MYBPC1: variants seen among roughly 807,000 people sequenced by gnomAD.
The protein encoded by MYBPC1 is myosin-binding protein C, slow-type.
A neutral mutation model predicts 147.1 loss-of-function variants in MYBPC1; 52 were observed. The observed-to-expected ratio is 0.35, with a 90% CI of 0.28 to 0.45. The LOEUF (loss-of-function observed/expected upper bound fraction) is 0.45, where lower values mean the gene tolerates loss of function less well. Among genes scored for constraint, MYBPC1 ranks in the 20% least tolerant of loss-of-function variants. The pLI, the probability that MYBPC1 is intolerant of heterozygous loss-of-function variation, is 1.00. For synonymous variants in MYBPC1, 477 were observed against 475.9 expected, an observed-to-expected ratio of 1.00 and a Z score of -0.03; for missense variants, 1,228 against 1,440.3, an observed-to-expected ratio of 0.85 and a Z score of 2.39.
chr12:101,615,551 C>T (rs1183436775), intron 2 of MYBPC1, among the ~76,000 whole-genome samples: 2 of 152,064 alleles, frequency 1.3e-5, no homozygotes, highest in African/African-American at 4.8e-5. Context: ...AAACATCTCC[C>T]TGTATTCAGT....
At chr12:101,602,362 G>A (rs1291376648) in intron 1 of MYBPC1, among the ~76,000 whole-genome samples, 2 of 152,098 alleles carry the variant, frequency 1.3e-5, no homozygotes, top group African/African-American at 2.4e-5. Context: ...TTACAGGCAT[G>A]CGCCACCACG....
intron 29 of MYBPC1, among the ~76,000 whole-genome samples, chr12:101,681,094 T>G (rs920872035): frequency 6.6e-6 from 1 of 152,232 alleles, no homozygotes; most frequent in African/African-American, 2.4e-5. Flanking sequence ...CTTCCATTTA[T>G]AGGTATACAT....
chr12:101,608,342 C>G (rs1281378665), intron 1 of MYBPC1, among the ~76,000 whole-genome samples: 3 of 151,994 alleles, frequency 2.0e-5, no homozygotes, highest in Admixed American at 2.0e-4. Context: ...CTTGTTTTTC[C>G]TTTTTATTCA....
At position 101,649,386 on chromosome 12, in the gene MYBPC1, GACA is replaced by G; in HGVS notation, c.1327_1329del (p.Thr443del). ...CTGATGCTGCAGAATATTCAGTAAT[GACA>G]ACAGGAGGACAATCATCTGCTAAAC... On this transcript the variant is annotated inframe_deletion, in exon 15 of 32. Coordinates refer to ENST00000361466, the MANE Select transcript of MYBPC1 (RefSeq NM_002465.4). The G allele has an allele frequency of 3.7e-6, 6 of 1,613,940 alleles. No homozygotes were observed. Among genetic ancestry groups the G allele is most frequent in the Non-Finnish European group, 5.1e-6 (6 of 1,179,870 alleles).
chr12:101,680,314 G>A (rs750625475), intron 28 of MYBPC1, 29 bp from the exon 29 acceptor site: 1 of 1,602,818 alleles, frequency 6.2e-7, no homozygotes, highest in Non-Finnish European at 8.5e-7. Flanking sequence ...GATATGTTTT[G>A]ACCTAAGTTT....
chr12:101,649,627 C>T (rs922293299), intron 15 of MYBPC1, among the ~76,000 whole-genome samples: 24 of 152,006 alleles, frequency 1.6e-4, no homozygotes, highest in African/African-American at 4.3e-4. Flanking sequence ...AATAGTAGAG[C>T]GCCAATATTA....
chr12:101,675,211 CT>C (rs1160356924), intron 25 of MYBPC1, 80 bp from the exon 26 acceptor site: 11 of 1,565,160 alleles, frequency 7.0e-6, no homozygotes, highest in Non-Finnish European at 9.6e-6. Context: ...AGGAAAGGGT[CT>C]TTTAAAATAT....
intron 28 of MYBPC1, among the ~76,000 whole-genome samples, 174 bp from the exon 29 acceptor site, chr12:101,680,169 G>A (rs1950842159): frequency 6.6e-6 from 1 of 152,208 alleles, no homozygotes; most frequent in South Asian, 2.1e-4. Context: ...TTGCTTATTT[G>A]CCAAGCACTA....
intron 9 of MYBPC1, among the ~76,000 whole-genome samples, 170 bp downstream of exon 9, chr12:101,634,775 G>A (rs1400875531): frequency 6.6e-6 from 1 of 152,058 alleles, no homozygotes; most frequent in Non-Finnish European, 1.5e-5. Flanking sequence ...TGGGTTTAAG[G>A]CCCAGTCAAG....
intron 23 of MYBPC1, 53 bp downstream of exon 23, chr12:101,667,952 T>C (rs1897795913): frequency 3.2e-6 from 5 of 1,579,392 alleles, no homozygotes; most frequent in Non-Finnish European, 4.3e-6. Context: ...GTTCACTTTT[T>C]TTTTCTTCAA....
chr12:101,682,205 TA>T (rs199754518), intron 29 of MYBPC1, among the ~76,000 whole-genome samples: 21 of 146,880 alleles, frequency 1.4e-4, no homozygotes, highest in East Asian at 2.0e-4. Context: ...AAACAAAAAC[TA>T]AAAAAAAAAG....
chr12:101,651,683 G>A (rs1894486222), intron 16 of MYBPC1, among the ~76,000 whole-genome samples: 1 of 152,182 alleles, frequency 6.6e-6, no homozygotes. Flanking sequence ...GCTCATGCCT[G>A]TAATCCCAAC....
chr12:101,659,590 G>A, intron 18 of MYBPC1, 82 bp from the exon 19 acceptor site: 1 of 1,448,200 alleles, frequency 6.9e-7, no homozygotes, highest in East Asian at 2.3e-5. Flanking sequence ...ATAGTCTGCT[G>A]AATTGCTCAA....
chr12:101,694,761 T>TC, the MYBPC1 span, among the ~76,000 whole-genome samples: 2 of 151,292 alleles, frequency 1.3e-5, no homozygotes, highest in Non-Finnish European at 3.0e-5. Flanking sequence ...TACATCTGCT[T>TC]TTTTTTTTCA....
chr12:101,662,319 C>T, intron 20 of MYBPC1, 39 bp from the exon 21 acceptor site: 1 of 1,605,184 alleles, frequency 6.2e-7, no homozygotes, highest in Non-Finnish European at 8.5e-7. Context: ...ATTTCAGAGA[C>T]CAAGGAAAAA....
intron 13 of MYBPC1, 97 bp from the exon 14 acceptor site, chr12:101,647,948 C>G: frequency 1.0e-6 from 1 of 957,590 alleles, no homozygotes; most frequent in East Asian, 2.6e-5. Context: ...ATAGATGTTG[C>G]TTTCTCACTG....
At chr12:101,694,787 T>G in the MYBPC1 span, among the ~76,000 whole-genome samples, 2 of 152,106 alleles carry the variant, frequency 1.3e-5, no homozygotes, top group African/African-American at 4.8e-5. Context: ...CATATGCTTG[T>G]GCAATTCATT....
chr12:101,614,355 ATG>A, intron 1 of MYBPC1, 139 bp from the exon 2 acceptor site: 5 of 792,280 alleles, frequency 6.3e-6, no homozygotes, highest in African/African-American at 1.7e-5. Context: ...AGAAGAGAGA[ATG>A]TGTTTCCCTC....
downstream of MYBPC1, among the ~76,000 whole-genome samples, chr12:101,688,400 C>G (rs1392232649): frequency 3.3e-5 from 5 of 151,946 alleles, no homozygotes; most frequent in African/African-American, 7.3e-5. Context: ...GCCTGGGCAA[C>G]AAAGTGAGAC....
Sources: gnomAD v4.1 joint callset for allele counts (sites outside exome capture counted in the v4.1 genomes callset) on GRCh38, gnomAD v4.1.1 for gene constraint, MANE v1.5 for transcripts, NCBI Gene and HGNC (gene_info 2026-07-23, HGNC 2026-07-21) for gene names.